The following NKAIN2 variants were observed in gnomAD, a reference collection of about 807,000 sequenced individuals.
The protein encoded by NKAIN2 is sodium/potassium transporting ATPase interacting 2, also known as sodium/potassium-transporting ATPase subunit beta-1-interacting protein 2.
NKAIN2 carries 14 observed loss-of-function variants against 32.6 expected under a neutral mutation model. That is an observed-to-expected ratio of 0.43 (90% confidence interval 0.28 to 0.67). The LOEUF (loss-of-function observed/expected upper bound fraction) is 0.67, where lower values mean the gene tolerates loss of function less well. NKAIN2 is among the 30% of genes least tolerant of loss of function. The pLI, the probability that NKAIN2 is intolerant of heterozygous loss-of-function variation, is 0.17. For missense variants in NKAIN2, 198 were observed against 258.3 expected, an observed-to-expected ratio of 0.77 and a Z score of 1.60; for synonymous variants, 80 against 87.2, an observed-to-expected ratio of 0.92 and a Z score of 0.46.
chr6:124,025,212 A>G (rs151178391), intron 1 of NKAIN2, among the ~76,000 whole-genome samples: 8 of 152,254 alleles, frequency 5.3e-5, no homozygotes, highest in Admixed American at 2.0e-4. Context: ...ATACCTGTCT[A>G]TCTCTATTCT....
intron 3 of NKAIN2, among the ~76,000 whole-genome samples, chr6:124,379,620 G>T (rs1490834458): frequency 6.6e-6 from 1 of 152,074 alleles, no homozygotes; most frequent in Non-Finnish European, 1.5e-5. Flanking sequence ...TCTAGAAGTG[G>T]AAGCTTACCT....
chr6:124,415,878 C>CTTTTTTTTTTTTTTTTTTTTTT lies in NKAIN2; in HGVS notation c.273+60548_273+60549insTTTTTTTTTTTTTTTTTTTTTT. On this transcript the variant is annotated intron_variant, in intron 3 of 6. Transcript: ENST00000368417. ...TTTTTTAATTTGCTTTTTTTATTTG[C>CTTTTTTTTTTTTTTTTTTTTTT]TTTTTTTTTTTTTTTTTGCTAATTT... Among the ~76,000 whole-genome samples the CTTTTTTTTTTTTTTTTTTTTTT allele has an allele frequency of 1.5e-4, 11 of 72,602 alleles. 1 individual carries two copies. Among genetic ancestry groups the CTTTTTTTTTTTTTTTTTTTTTT allele is most frequent in the South Asian group, 5.6e-4 (1 of 1,780 alleles). The allele number at this position is 72,602 out of a possible 152,430, so 47.6% of individuals were successfully genotyped here. A position where few individuals can be genotyped will look rare whatever the true frequency, so the allele number is the denominator to read the frequency against.
At position 124,542,834 on chromosome 6, in the gene NKAIN2, A is replaced by T. The variant is rs147606713; in HGVS notation, c.274-115352A>T. The stretch of plus-strand genomic sequence containing the variant: ...ACGTTCAGTAATGAATAAACTAAAT[A>T]AAAACCTGGTTAGAAAAAGATAATA... On this transcript the variant is annotated intron_variant, in intron 3 of 6. Transcript: ENST00000368417. Among the ~76,000 whole-genome samples the T allele has an allele frequency of 3.8e-3, 573 of 152,300 alleles. 6 individuals carry two copies. Among genetic ancestry groups the T allele is most frequent in the African/African-American group, 0.013 (551 of 41,564 alleles).
At chr6:124,232,874 C>T (rs1017061185) in intron 1 of NKAIN2, among the ~76,000 whole-genome samples, 1 of 152,222 alleles carries the variant, frequency 6.6e-6, no homozygotes, top group East Asian at 1.9e-4. Flanking sequence ...ATGTAAAAAG[C>T]CATATAAACC....
At chr6:124,811,805 CA>C (rs1364160681) in intron 5 of NKAIN2, among the ~76,000 whole-genome samples, 2 of 152,002 alleles carry the variant, frequency 1.3e-5, no homozygotes, top group Non-Finnish European at 2.9e-5. Flanking sequence ...TGCACATGTC[CA>C]AACTTATCAA....
At chr6:123,982,601 G>A (rs1412605089) in intron 1 of NKAIN2, among the ~76,000 whole-genome samples, 2 of 152,106 alleles carry the variant, frequency 1.3e-5, no homozygotes, top group African/African-American at 2.4e-5. Context: ...CGTACCAAGT[G>A]TAGGATTTTA....
intron 1 of NKAIN2, among the ~76,000 whole-genome samples, chr6:124,034,685 G>C (rs1014444096): frequency 1.3e-5 from 2 of 152,052 alleles, no homozygotes; most frequent in African/African-American, 4.8e-5. Flanking sequence ...AGTTCTTTGA[G>C]AAGTATCCAT....
chr6:123,944,782 C>G (rs1317715876), intron 1 of NKAIN2, among the ~76,000 whole-genome samples: 1 of 151,916 alleles, frequency 6.6e-6, no homozygotes, highest in Non-Finnish European at 1.5e-5. Context: ...GTAGCAACTT[C>G]CAAGCATTAT....
intron 1 of NKAIN2, among the ~76,000 whole-genome samples, chr6:124,021,189 A>G (rs985619731): frequency 6.6e-6 from 1 of 152,074 alleles, no homozygotes; most frequent in South Asian, 2.1e-4. Flanking sequence ...TTATGACTAA[A>G]CAAGTACACA....
At chr6:124,756,199 T>C (rs1436944505) in intron 4 of NKAIN2, among the ~76,000 whole-genome samples, 1 of 152,198 alleles carries the variant, frequency 6.6e-6, no homozygotes, top group Non-Finnish European at 1.5e-5. Flanking sequence ...ATCTTCTAAC[T>C]TGTTTTATTC....
chr6:124,690,882 C>T (rs865905955), intron 4 of NKAIN2, among the ~76,000 whole-genome samples: 19 of 152,122 alleles, frequency 1.2e-4, no homozygotes, highest in African/African-American at 4.3e-4. Context: ...TTTATTTTGT[C>T]ACATGGCTTT....
At chr6:124,456,718 G>C (rs1776337371) in intron 3 of NKAIN2, among the ~76,000 whole-genome samples, 1 of 151,590 alleles carries the variant, frequency 6.6e-6, no homozygotes, top group Non-Finnish European at 1.5e-5. Flanking sequence ...TTTTCTTTTA[G>C]AATGCCATTT....
chr6:124,753,220 C>A (rs1457073192), intron 4 of NKAIN2, among the ~76,000 whole-genome samples: 1 of 152,090 alleles, frequency 6.6e-6, no homozygotes. Flanking sequence ...AGTCTCTAAT[C>A]CTCTTTTAGA....
At chr6:123,896,555 C>A (rs949554900) in intron 1 of NKAIN2, among the ~76,000 whole-genome samples, 1 of 152,146 alleles carries the variant, frequency 6.6e-6, no homozygotes, top group Non-Finnish European at 1.5e-5. Flanking sequence ...GATTTATTCC[C>A]TGTGAACTAT....
At chr6:124,183,091 A>AT (rs1562407048) in intron 1 of NKAIN2, among the ~76,000 whole-genome samples, 4 of 152,132 alleles carry the variant, frequency 2.6e-5, no homozygotes, top group Admixed American at 1.3e-4. Context: ...GTAATTTGAG[A>AT]ATTATGGCTG....
At chr6:124,703,311 A>G (rs1173271174) in intron 4 of NKAIN2, among the ~76,000 whole-genome samples, 1 of 151,982 alleles carries the variant, frequency 6.6e-6, no homozygotes, top group Non-Finnish European at 1.5e-5. Flanking sequence ...CTACATGAGA[A>G]ATTTTCTTCC....
chr6:123,883,463 A>AACT (rs1183205092), intron 1 of NKAIN2, among the ~76,000 whole-genome samples: 1 of 74,098 alleles, frequency 1.3e-5, no homozygotes, highest in Non-Finnish European at 2.2e-5. Flanking sequence ...TTCTTGTGAG[A>AACT]TCTTGTTTTT....
chr6:124,601,726 T>C (rs1782314812), intron 3 of NKAIN2, among the ~76,000 whole-genome samples: 1 of 151,930 alleles, frequency 6.6e-6, no homozygotes, highest in South Asian at 2.1e-4. Context: ...ATGCAAATAA[T>C]GGACTAGGGT....
intron 6 of NKAIN2, 113 bp downstream of exon 6, chr6:124,818,581 AT>A: frequency 2.1e-6 from 1 of 474,254 alleles, no homozygotes. Context: ...TTTTTCCAGT[AT>A]TTTTTCTATT....
Sources: gnomAD v4.1 joint callset for allele counts (sites outside exome capture counted in the v4.1 genomes callset) on GRCh38, gnomAD v4.1.1 for gene constraint, MANE v1.5 for transcripts, NCBI Gene and HGNC (gene_info 2026-07-23, HGNC 2026-07-21) for gene names.